NAALADL2: variants seen among roughly 807,000 people sequenced by gnomAD.
The protein encoded by NAALADL2 is inactive N-acetylated-alpha-linked acidic dipeptidase-like protein 2.
NAALADL2 carries 76 observed loss-of-function variants against 87.2 expected under a neutral mutation model. That is an observed-to-expected ratio of 0.87 (90% confidence interval 0.72 to 1.05). The LOEUF (loss-of-function observed/expected upper bound fraction) is 1.05. Among genes scored for constraint, NAALADL2 ranks in the 50% least tolerant of loss-of-function variants. The pLI is 0.00. For missense variants in NAALADL2, 1,089 were observed against 945.8 expected, an observed-to-expected ratio of 1.15 and a Z score of -1.99; for synonymous variants, 354 against 331.0, an observed-to-expected ratio of 1.07 and a Z score of -0.75.
At chr3:175,791,687 C>T (rs1752794027) in intron 13 of NAALADL2, among the ~76,000 whole-genome samples, 1 of 151,978 alleles carries the variant, frequency 6.6e-6, no homozygotes, top group Non-Finnish European at 1.5e-5. Context: ...CCTAGTTTCC[C>T]TTGGTTACTG....
chr3:174,938,638 A>T, intron 1 of NAALADL2, among the ~76,000 whole-genome samples: 2 of 152,166 alleles, frequency 1.3e-5, no homozygotes. Flanking sequence ...TTATACTCCC[A>T]CCAACAGTGT....
intron 2 of NAALADL2, among the ~76,000 whole-genome samples, chr3:175,197,050 GGA>G (rs1404969349): frequency 6.6e-6 from 1 of 151,954 alleles, no homozygotes; most frequent in Non-Finnish European, 1.5e-5. Context: ...GCAATTTGCT[GGA>G]GAGAGAAAGT....
chr3:175,551,922 C>CAAAAAAAAA (rs11456834), intron 9 of NAALADL2, among the ~76,000 whole-genome samples: 5 of 122,682 alleles, frequency 4.1e-5, no homozygotes, highest in African/African-American at 1.6e-4. Flanking sequence ...GACTCTGTCT[C>CAAAAAAAAA]AAAAAAAAAA....
At chr3:174,577,158 A>G (rs2108549885) in intron 2 of NAALADL2, among the ~76,000 whole-genome samples, 1 of 152,162 alleles carries the variant, frequency 6.6e-6, no homozygotes, top group East Asian at 1.9e-4. Context: ...AGATGCCTAC[A>G]TATATAACAC....
At chr3:175,169,470 T>TATATATATATAA (rs1462532636) in intron 2 of NAALADL2, among the ~76,000 whole-genome samples, 3 of 150,988 alleles carry the variant, frequency 2.0e-5, no homozygotes, top group Non-Finnish European at 4.4e-5. Flanking sequence ...TATATATATA[T>TATATATATATAA]ATAATCTGTT....
chr3:174,733,771 A>C (rs773362536), intron 2 of NAALADL2, among the ~76,000 whole-genome samples: 3 of 152,190 alleles, frequency 2.0e-5, no homozygotes, highest in African/African-American at 4.8e-5. Flanking sequence ...TCTCTGACCT[A>C]CTAAAATTAG....
intron 4 of NAALADL2, among the ~76,000 whole-genome samples, chr3:175,303,640 ATAG>A (rs1468539357): frequency 1.3e-5 from 2 of 152,212 alleles, no homozygotes. Flanking sequence ...ACTACCGCAC[ATAG>A]CGTTACTTGC....
rs1560696314 is a variant in NAALADL2, at chr3:175,521,160, C to T, written c.1653+49402C>T. Among the ~76,000 whole-genome samples, 3 of 151,680 alleles carry T rather than the reference C, an allele frequency of 2.0e-5. 1 individual carries two copies. The highest frequency in any genetic ancestry group is 4.4e-5 in the Non-Finnish European group (3 of 67,934). ...TATATCTAGTATGATGAAATATCTA[C>T]AGAGACTTTATTTGTCTCAAGGGAG... On this transcript the variant is annotated intron_variant, in intron 9 of 13. Coordinates refer to ENST00000454872, the MANE Select transcript of NAALADL2 (RefSeq NM_207015.3).
At chr3:175,442,391 C>T (rs1056034427) in intron 5 of NAALADL2, among the ~76,000 whole-genome samples, 3 of 151,948 alleles carry the variant, frequency 2.0e-5, no homozygotes, top group Non-Finnish European at 2.9e-5. Context: ...TTTGAAAAAG[C>T]GTGAAATAGA....
At chr3:174,781,654 A>G (rs953316923) in intron 3 of NAALADL2, among the ~76,000 whole-genome samples, 2 of 152,054 alleles carry the variant, frequency 1.3e-5, no homozygotes, top group African/African-American at 2.4e-5. Context: ...GAATTAAAAG[A>G]TGGATAGGAC....
chr3:175,206,244 CTA>C lies in NAALADL2; in HGVS notation c.546-27669_546-27668del, dbSNP rs200530639. ...GGATAAAGATACTGTGGATAAAAAA[CTA>C]TATATATATATATATATTTTTTTTT... On this transcript the variant is annotated intron_variant, in intron 2 of 13. Transcript: ENST00000454872. 4.9e-3 allele frequency among the ~76,000 whole-genome samples: 529 copies of C among 107,938 alleles called. 17 individuals carry two copies. The highest frequency in any genetic ancestry group is 8.3e-3 in the African/African-American group (180 of 21,804). The allele number at this position is 107,938 out of a possible 152,430, so 70.8% of individuals were successfully genotyped here.
At chr3:174,836,297 T>C (rs1469788916) in intron 3 of NAALADL2, among the ~76,000 whole-genome samples, 2 of 151,884 alleles carry the variant, frequency 1.3e-5, no homozygotes, top group Non-Finnish European at 2.9e-5. Flanking sequence ...TTTATAGAGA[T>C]AGAGAGTAGA....
At chr3:174,832,310 C>T (rs958416817) in intron 3 of NAALADL2, among the ~76,000 whole-genome samples, 27 of 151,968 alleles carry the variant, frequency 1.8e-4, no homozygotes, top group Non-Finnish European at 3.2e-4. Context: ...TATGTTTTGT[C>T]TTTGTTCTCG....
At chr3:174,650,500 A>G (rs1724246078) in intron 2 of NAALADL2, among the ~76,000 whole-genome samples, 1 of 152,148 alleles carries the variant, frequency 6.6e-6, no homozygotes, top group African/African-American at 2.4e-5. Flanking sequence ...AGCTGTGTCA[A>G]CGTCTATTTA....
chr3:175,769,229 A>G (rs563790605), intron 13 of NAALADL2, among the ~76,000 whole-genome samples: 4 of 152,348 alleles, frequency 2.6e-5, no homozygotes, highest in Non-Finnish European at 5.9e-5. Context: ...TGTACCAGAC[A>G]CTGAGAATAC....
chr3:175,374,325 G>A (rs1766850141), intron 5 of NAALADL2, among the ~76,000 whole-genome samples: 2 of 151,060 alleles, frequency 1.3e-5, no homozygotes, highest in South Asian at 4.2e-4. Flanking sequence ...AGGCCGAGGT[G>A]GGAGGGTCAT....
At chr3:175,128,774 G>A (rs1366614533) in intron 2 of NAALADL2, among the ~76,000 whole-genome samples, 1 of 152,022 alleles carries the variant, frequency 6.6e-6, no homozygotes, top group Non-Finnish European at 1.5e-5. Context: ...AGAAGAGACT[G>A]TAAATGCCAT....
chr3:175,281,426 A>G (rs967425793), intron 4 of NAALADL2, among the ~76,000 whole-genome samples: 4 of 151,908 alleles, frequency 2.6e-5, no homozygotes, highest in African/African-American at 9.7e-5. Context: ...AATAGGCTAA[A>G]ACACCTTTGC....
intron 10 of NAALADL2, among the ~76,000 whole-genome samples, chr3:175,593,967 A>G (rs567635688): frequency 1.4e-5 from 2 of 144,782 alleles, no homozygotes; most frequent in African/African-American, 5.0e-5. Context: ...TTCTTACTTG[A>G]TCATGTTGCT....
Sources: gnomAD v4.1 joint callset for allele counts (sites outside exome capture counted in the v4.1 genomes callset) on GRCh38, gnomAD v4.1.1 for gene constraint, MANE v1.5 for transcripts, NCBI Gene and HGNC (gene_info 2026-07-23, HGNC 2026-07-21) for gene names.